Variants in AFG1L observed in about 807,000 individuals in gnomAD.
AFG1L encodes the protein AFG1 like ATPase, also known as AFG1-like ATPase.
AFG1L carries 53 observed loss-of-function variants against 62.2 expected under a neutral mutation model. That is an observed-to-expected ratio of 0.85 (90% CI 0.68 to 1.07). AFG1L has a LOEUF of 1.07. Ranked by LOEUF, AFG1L falls within the 50% of genes least tolerant of loss-of-function variation. The pLI, the probability that AFG1L is intolerant of heterozygous loss-of-function variation, is 0.00. For missense variants in AFG1L, 555 were observed against 590.5 expected (o/e 0.94, Z 0.62); for synonymous variants, 228 against 210.3 (o/e 1.08, Z -0.73).
intron 10 of AFG1L, among the ~76,000 whole-genome samples, chr6:108,499,650 C>G (rs1298383269): frequency 2.0e-5 from 3 of 150,490 alleles, no homozygotes; most frequent in Non-Finnish European, 4.4e-5. Flanking sequence ...TACTCAGGAG[C>G]TAAGGTGGGA....
At chr6:108,308,277 G>A (rs540820225) in intron 1 of AFG1L, among the ~76,000 whole-genome samples, 1 of 152,206 alleles carries the variant, frequency 6.6e-6, no homozygotes, top group African/African-American at 2.4e-5. Context: ...AGTCTCCCGA[G>A]TAGCTGGGAC....
intron 2 of AFG1L, among the ~76,000 whole-genome samples, chr6:108,336,149 T>G (rs1396330690): frequency 2.6e-5 from 4 of 152,214 alleles, no homozygotes; most frequent in Non-Finnish European, 5.9e-5. Context: ...AATGATCTAC[T>G]TTTATCAAAA....
At chr6:108,368,970 C>G (rs968338903) in intron 6 of AFG1L, among the ~76,000 whole-genome samples, 5 of 152,166 alleles carry the variant, frequency 3.3e-5, no homozygotes, top group African/African-American at 1.2e-4. Context: ...ATTGGACAAA[C>G]TTAGAGAAAG....
In AFG1L at chr6:108,454,415, C is replaced by T. The variant is rs536818922; in HGVS notation, c.890+7119C>T. On this transcript the variant is annotated intron_variant, in intron 8 of 12. Transcript: ENST00000368977. The stretch of plus-strand genomic sequence containing the variant: ...GCCCATTAGGTGACAAAGATAGCAC[C>T]TGATCAAGATAAGGATCCCATTAGA... 3.9e-5 allele frequency among the ~76,000 whole-genome samples: 6 copies of T among 152,142 alleles called. No individual in the cohort carries two copies. The East Asian group carries it at 1.2e-3, about 29-fold the overall frequency.
chr6:108,420,140 A>G (rs954237049), intron 7 of AFG1L, among the ~76,000 whole-genome samples: 2 of 152,134 alleles, frequency 1.3e-5, no homozygotes, highest in African/African-American at 4.8e-5. Context: ...CACCTGAGTC[A>G]GCCTTGCAGG....
intron 1 of AFG1L, among the ~76,000 whole-genome samples, chr6:108,316,689 C>T (rs534314488): frequency 6.6e-6 from 1 of 151,580 alleles, no homozygotes; most frequent in Non-Finnish European, 1.5e-5. Context: ...CCTGCCACCA[C>T]GCCTGGCTAA....
At chr6:108,330,997 T>A (rs1448613186) in intron 2 of AFG1L, among the ~76,000 whole-genome samples, 1 of 152,144 alleles carries the variant, frequency 6.6e-6, no homozygotes, top group South Asian at 2.1e-4. Context: ...TTGTTTAAAC[T>A]TCATTATAGG....
chr6:108,444,959 A>G (rs976038439), intron 7 of AFG1L, among the ~76,000 whole-genome samples: 1 of 152,190 alleles, frequency 6.6e-6, no homozygotes, highest in Non-Finnish European at 1.5e-5. Context: ...TCTCCTTTCT[A>G]GCTATGAAAG....
chr6:108,473,825 C>T (rs914559473), intron 8 of AFG1L, among the ~76,000 whole-genome samples: 6 of 152,116 alleles, frequency 3.9e-5, no homozygotes, highest in Non-Finnish European at 8.8e-5. Context: ...TTCCAAAGTG[C>T]CAGGATTACA....
chr6:108,474,128 T>A (rs1773020156), intron 8 of AFG1L, among the ~76,000 whole-genome samples: 1 of 152,124 alleles, frequency 6.6e-6, no homozygotes, highest in Non-Finnish European at 1.5e-5. Flanking sequence ...AGCGAGAACA[T>A]GTAGTGTTTG....
At chr6:108,338,088 G>C (rs1164957698) in intron 2 of AFG1L, among the ~76,000 whole-genome samples, 1 of 152,160 alleles carries the variant, frequency 6.6e-6, no homozygotes. Flanking sequence ...TGGGAGGCTA[G>C]GGTGGGAGGA....
chr6:108,389,032 C>A (rs1458375404), intron 6 of AFG1L, among the ~76,000 whole-genome samples: 4 of 151,990 alleles, frequency 2.6e-5, no homozygotes, highest in Admixed American at 1.3e-4. Context: ...GTAGGTCACT[C>A]AGGACTTGCT....
Position 108,478,155 on chromosome 6 carries a change from C to G in AFG1L, c.1062+863C>G, listed in dbSNP as rs900460756. On this transcript the variant is annotated intron_variant, in intron 10 of 12. Transcript: ENST00000368977. ...GAGTGCTTTTCTTAAAAGCTAGTGACGGCCGGGTGCGGTGGCTCGCGCCTG... is the reference window on the plus strand; with the variant it reads ...GAGTGCTTTTCTTAAAAGCTAGTGAGGGCCGGGTGCGGTGGCTCGCGCCTG... 3.3e-5 allele frequency among the ~76,000 whole-genome samples: 5 copies of G among 152,172 alleles called. No individual in the cohort carries two copies. In the South Asian group the frequency reaches 8.3e-4, roughly 25 times the overall value.
At chr6:108,444,622 T>C (rs923402416) in intron 7 of AFG1L, among the ~76,000 whole-genome samples, 3 of 152,350 alleles carry the variant, frequency 2.0e-5, no homozygotes, top group African/African-American at 7.2e-5. Context: ...TTTATCTCCT[T>C]GTGCACTTCC....
chr6:108,450,012 T>G (rs1442811146), intron 8 of AFG1L, among the ~76,000 whole-genome samples: 5 of 152,234 alleles, frequency 3.3e-5, no homozygotes, highest in Admixed American at 6.5e-5. Context: ...TGTTGGACAT[T>G]TGGGTTGGTT....
chr6:108,516,636 TG>T (rs1383473136), intron 11 of AFG1L, among the ~76,000 whole-genome samples: 1 of 152,220 alleles, frequency 6.6e-6, no homozygotes, highest in Non-Finnish European at 1.5e-5. Flanking sequence ...AACATAGTGT[TG>T]GAAGTTCTGG....
intron 7 of AFG1L, among the ~76,000 whole-genome samples, chr6:108,422,852 G>A (rs1161320364): frequency 2.0e-5 from 3 of 151,940 alleles, no homozygotes; most frequent in African/African-American, 4.8e-5. Context: ...TTACTATGAC[G>A]TTTTGATTCT....
At chr6:108,482,316 G>A (rs1026216082) in intron 10 of AFG1L, among the ~76,000 whole-genome samples, 2 of 152,046 alleles carry the variant, frequency 1.3e-5, no homozygotes, top group Non-Finnish European at 2.9e-5. Flanking sequence ...TTTCTACATT[G>A]CAACTAACAG....
At chr6:108,331,715 C>T (rs995487910) in intron 2 of AFG1L, among the ~76,000 whole-genome samples, 5 of 152,188 alleles carry the variant, frequency 3.3e-5, no homozygotes, top group African/African-American at 1.2e-4. Flanking sequence ...ATGTAAATCA[C>T]TATAATTAGA....
Sources: allele counts gnomAD v4.1 joint callset (sites outside exome capture counted in the v4.1 genomes callset), GRCh38; gene constraint gnomAD v4.1.1; transcripts MANE v1.5; gene names NCBI Gene and HGNC (gene_info 2026-07-23, HGNC 2026-07-21).